The following POLD3 variants were observed in gnomAD, a reference collection of about 807,000 sequenced individuals.
The protein encoded by POLD3 is DNA polymerase delta subunit 3.
Under a neutral mutation model 58.2 loss-of-function variants are expected in POLD3, and 19 were observed. The ratio of observed to expected loss-of-function variants is 0.33; its 90% CI spans 0.23 to 0.48. POLD3 has a LOEUF of 0.48. Ranked by LOEUF, POLD3 falls within the 20% of genes least tolerant of loss-of-function variation. The pLI, the probability that POLD3 is intolerant of heterozygous loss-of-function variation, is 0.99. For missense variants in POLD3, 504 were observed against 545.5 expected, an observed-to-expected ratio of 0.92 and a Z score of 0.76; for synonymous variants, 172 against 193.5, an observed-to-expected ratio of 0.89 and a Z score of 0.92.
intron 3 of POLD3, among the ~76,000 whole-genome samples, chr11:74,607,593 A>AT (rs1289783341): frequency 6.6e-6 from 1 of 150,506 alleles, no homozygotes; most frequent in Non-Finnish European, 1.5e-5. Flanking sequence ...TTATTTATTT[A>AT]TTTTTTGAGA....
At chr11:74,636,648 T>C (rs1328937415) in intron 11 of POLD3, among the ~76,000 whole-genome samples, 1 of 152,218 alleles carries the variant, frequency 6.6e-6, no homozygotes, top group Non-Finnish European at 1.5e-5. Context: ...TAAGATGTTA[T>C]CATAGACATT....
intron 8 of POLD3, among the ~76,000 whole-genome samples, chr11:74,628,660 A>G (rs1045309219): frequency 6.6e-6 from 1 of 152,088 alleles, no homozygotes; most frequent in Non-Finnish European, 1.5e-5. Context: ...GCCTTTGCTC[A>G]TATTGTTCTT....
At chr11:74,614,919 T>TGA (rs1565117902) in intron 5 of POLD3, among the ~76,000 whole-genome samples, 1 of 152,074 alleles carries the variant, frequency 6.6e-6, no homozygotes, top group Non-Finnish European at 1.5e-5. Context: ...ATGTTGAGTT[T>TGA]GAGAAGCTTG....
chr11:74,633,179 C>G (rs905616652), intron 9 of POLD3, among the ~76,000 whole-genome samples: 1 of 152,150 alleles, frequency 6.6e-6, no homozygotes, highest in African/African-American at 2.4e-5. Flanking sequence ...AAATTTTCCT[C>G]CTCCCATTAT....
At chr11:74,605,545 C>T (rs967363808) in intron 3 of POLD3, among the ~76,000 whole-genome samples, 3 of 152,126 alleles carry the variant, frequency 2.0e-5, no homozygotes, top group Non-Finnish European at 4.4e-5. Context: ...TCTCTGGCGT[C>T]CTCCCAAAAG....
At chr11:74,633,239 A>C (rs1003076294) in intron 9 of POLD3, among the ~76,000 whole-genome samples, 1 of 152,186 alleles carries the variant, frequency 6.6e-6, no homozygotes, top group Non-Finnish European at 1.5e-5. Flanking sequence ...TTCCTTCAGA[A>C]CAATGGAGGC....
At position 74,642,964 on chromosome 11, in the gene POLD3, G is replaced by A. The variant is rs1277307540; in HGVS notation, c.*2198G>A. ...CATCTAGAAGAAAATCTAGCACATTGTATTAGTTTGGCTTCATCACTTGCT... is the reference window on the plus strand; with the variant it reads ...CATCTAGAAGAAAATCTAGCACATTATATTAGTTTGGCTTCATCACTTGCT... On this transcript the variant is annotated 3_prime_UTR_variant, in exon 12 of 12. Transcript: ENST00000263681. 1.0e-6 allele frequency: 1 copy of A among 982,712 alleles called. No homozygotes were observed. The highest frequency in any genetic ancestry group is 1.2e-6 in the Non-Finnish European group (1 of 827,616). The allele number at this position is 982,712 out of a possible 1,614,324, so 60.9% of individuals were successfully genotyped here. A position where few individuals can be genotyped will look rare whatever the true frequency, so the allele number is the denominator to read the frequency against.
chr11:74,655,484 A>G (rs181616570), intron 4 of POLD3, among the ~76,000 whole-genome samples: 1 of 152,368 alleles, frequency 6.6e-6, no homozygotes, highest in Non-Finnish European at 1.5e-5. Context: ...CATGTAACAC[A>G]TAATGGGGGG....
At chr11:74,619,870 T>C (rs2032197508) in intron 6 of POLD3, 147 bp from the exon 7 acceptor site, 3 of 598,958 alleles carry the variant, frequency 5.0e-6, no homozygotes, top group Non-Finnish European at 9.0e-6. Context: ...AGATTTGTTC[T>C]TATATCTAAC....
chr11:74,662,260 A>T (rs1386159078), intron 4 of POLD3, among the ~76,000 whole-genome samples: 5 of 152,002 alleles, frequency 3.3e-5, no homozygotes, highest in Non-Finnish European at 7.4e-5. Flanking sequence ...GGAGTCTCTC[A>T]CCATGGCCAT....
intron 3 of POLD3, among the ~76,000 whole-genome samples, chr11:74,607,009 C>T (rs1278133631): frequency 6.6e-6 from 1 of 151,998 alleles, no homozygotes; most frequent in Non-Finnish European, 1.5e-5. Flanking sequence ...CTCCCAATAG[C>T]CTCACTGGGA....
At chr11:74,594,814 G>A (rs2031168273) in intron 2 of POLD3, among the ~76,000 whole-genome samples, 2 of 152,144 alleles carry the variant, frequency 1.3e-5, no homozygotes, top group African/African-American at 4.8e-5. Flanking sequence ...AATGAGTGTC[G>A]AGCGAAGGGG....
chr11:74,647,321 T>A (rs1402410032), downstream of POLD3, among the ~76,000 whole-genome samples: 3 of 152,242 alleles, frequency 2.0e-5, no homozygotes, highest in Non-Finnish European at 4.4e-5. Flanking sequence ...TAAAACCTGA[T>A]AGGAGTGTTT....
At chr11:74,666,190 C>T (rs1050291625) in intron 4 of POLD3, among the ~76,000 whole-genome samples, 2 of 152,174 alleles carry the variant, frequency 1.3e-5, no homozygotes, top group African/African-American at 4.8e-5. Context: ...ATACATACAA[C>T]GAAGTGCAAA....
At chr11:74,595,176 T>TTC (rs1245545768) in intron 2 of POLD3, 1 of 68,794 alleles carries the variant, frequency 1.5e-5, no homozygotes, top group African/African-American at 7.3e-5. Flanking sequence ...TTTTTTTTTT[T>TTC]TTTTTTTTTT....
chr11:74,658,766 A>C (rs1289380169), intron 4 of POLD3, among the ~76,000 whole-genome samples: 1 of 152,190 alleles, frequency 6.6e-6, no homozygotes, highest in Non-Finnish European at 1.5e-5. Context: ...CCCTGATGCA[A>C]AAGGTGGGTT....
chr11:74,595,937 A>G (rs2031234696), intron 2 of POLD3, among the ~76,000 whole-genome samples: 2 of 148,780 alleles, frequency 1.3e-5, no homozygotes, highest in Admixed American at 6.7e-5. Flanking sequence ...GGAAGTTTTT[A>G]TTGCTGATGA....
chr11:74,661,194 C>T (rs1193204021), intron 4 of POLD3, among the ~76,000 whole-genome samples: 7 of 152,092 alleles, frequency 4.6e-5, no homozygotes, highest in Non-Finnish European at 1.0e-4. Flanking sequence ...CAGGATTGGT[C>T]CCTGGCACTT....
At chr11:74,611,216 CTGATT>C (rs1300791928) in intron 3 of POLD3, among the ~76,000 whole-genome samples, 2 of 152,194 alleles carry the variant, frequency 1.3e-5, no homozygotes, top group Non-Finnish European at 2.9e-5. Context: ...TTTGCTCACA[CTGATT>C]TGAGATGCTG....
Sources: gnomAD v4.1 joint callset for allele counts (sites outside exome capture counted in the v4.1 genomes callset) on GRCh38, gnomAD v4.1.1 for gene constraint, MANE v1.5 for transcripts, NCBI Gene and HGNC (gene_info 2026-07-23, HGNC 2026-07-21) for gene names.